The following LRP1B variants were observed in gnomAD, a reference collection of about 807,000 sequenced individuals.
The protein encoded by LRP1B is low-density lipoprotein receptor-related protein 1B.
Under a neutral mutation model 556.6 loss-of-function variants are expected in LRP1B, and 217 were observed. The observed-to-expected ratio is 0.39, with a 90% CI of 0.35 to 0.44. The LOEUF is 0.44. Ranked by LOEUF, LRP1B falls within the 20% of genes least tolerant of loss-of-function variation. The pLI is 1.00. For missense variants in LRP1B, 5,053 were observed against 5,620.8 expected (o/e 0.90, Z 3.23); for synonymous variants, 2,047 against 1,865.8 (o/e 1.10, Z -2.50).
chr2:140,384,626 G>A (rs962226215), intron 67 of LRP1B, among the ~76,000 whole-genome samples: 3 of 152,118 alleles, frequency 2.0e-5, no homozygotes, highest in East Asian at 3.9e-4. Flanking sequence ...CCAAAGACAG[G>A]TCTGATTAAG....
intron 21 of LRP1B, among the ~76,000 whole-genome samples, chr2:140,918,215 T>C (rs1694636138): frequency 6.6e-6 from 1 of 151,624 alleles, no homozygotes; most frequent in African/African-American, 2.4e-5. Flanking sequence ...TGTGTGTGTG[T>C]GTGTAGAGAA....
chr2:141,777,654 A>G (rs1178071446), intron 2 of LRP1B, among the ~76,000 whole-genome samples: 9 of 152,060 alleles, frequency 5.9e-5, no homozygotes, highest in Non-Finnish European at 4.4e-5. Flanking sequence ...ACCTCAGGTG[A>G]TCCACCCATC....
At chr2:141,982,140 T>C (rs962568426) in intron 1 of LRP1B, among the ~76,000 whole-genome samples, 1 of 152,142 alleles carries the variant, frequency 6.6e-6, no homozygotes, top group Non-Finnish European at 1.5e-5. Flanking sequence ...CCACAACCTA[T>C]GCCTGTAGTG....
chr2:140,850,460 G>A lies in LRP1B; in HGVS notation c.4712-131C>T, dbSNP rs1179792967. On this transcript the variant is annotated intron_variant, in intron 28 of 90. Coordinates refer to ENST00000389484, the MANE Select transcript of LRP1B (RefSeq NM_018557.3). ...ACAATCAATATTTGATGGAAACAAT[G>A]CAGTAACAATTTATCTATTTTAAAT... is the stretch of plus-strand genomic sequence containing the variant. 1.2e-5 allele frequency: 7 copies of A among 579,256 alleles called. No homozygotes were observed. The East Asian group carries it at 2.0e-4, about 16-fold the overall frequency. The allele number at this position is 579,256 out of a possible 1,614,324, so 35.9% of individuals were successfully genotyped here.
intron 77 of LRP1B, among the ~76,000 whole-genome samples, chr2:140,345,784 A>T (rs1429384841): frequency 7.0e-6 from 1 of 143,330 alleles, no homozygotes; most frequent in Non-Finnish European, 1.5e-5. Flanking sequence ...ATATACATAT[A>T]TATACACATA....
chr2:141,457,133 G>C (rs1212861838), intron 3 of LRP1B, among the ~76,000 whole-genome samples: 2 of 152,150 alleles, frequency 1.3e-5, no homozygotes, highest in Non-Finnish European at 2.9e-5. Context: ...GACAGAAGTA[G>C]GTGAATTCTG....
rs1559117345 is a variant in LRP1B at position 140,784,423 on chromosome 2, A to ACACAC, written c.5360-8186_5360-8185insGTGTG. ...ACACACACACACACACACACACACA[A>ACACAC]AAGGCTCAGTGCAGCTATTTTTAAA... is the stretch of plus-strand genomic sequence containing the variant. On this transcript the variant is annotated intron_variant, in intron 32 of 90. Coordinates refer to ENST00000389484, the MANE Select transcript of LRP1B (RefSeq NM_018557.3). Among the ~76,000 whole-genome samples, 5 of 76,178 alleles carry ACACAC rather than the reference A, an allele frequency of 6.6e-5. 1 individual carries two copies. The highest frequency in any genetic ancestry group is 7.6e-3 in the Middle Eastern group (1 of 132). The allele number at this position is 76,178 out of a possible 152,430, so 50.0% of individuals were successfully genotyped here.
chr2:140,326,721 TAGGGAAGAA>T (rs1415784860), intron 79 of LRP1B, among the ~76,000 whole-genome samples: 11 of 151,642 alleles, frequency 7.3e-5, no homozygotes, highest in African/African-American at 2.7e-4. Flanking sequence ...ATGTTTATGG[TAGGGAAGAA>T]TAAACAGTAA....
intron 1 of LRP1B, among the ~76,000 whole-genome samples, chr2:142,053,792 T>C (rs1248868036): frequency 6.6e-6 from 1 of 152,202 alleles, no homozygotes; most frequent in African/African-American, 2.4e-5. Flanking sequence ...CTGCTGGATA[T>C]ACTCCATCGA....
At chr2:141,816,087 G>A (rs1307296708) in intron 1 of LRP1B, among the ~76,000 whole-genome samples, 1 of 152,174 alleles carries the variant, frequency 6.6e-6, no homozygotes, top group Non-Finnish European at 1.5e-5. Flanking sequence ...TTGTTTTAAT[G>A]TCCAAATGTT....
rs183897817 is a variant in LRP1B at position 140,586,952 on chromosome 2, A to T, written c.7194+11679T>A. On this transcript the variant is annotated intron_variant, in intron 43 of 90. Coordinates refer to ENST00000389484, the MANE Select transcript of LRP1B (RefSeq NM_018557.3). ...AAGATTTAAAAGTAGCTATAATAAA[A>T]TTTTTTTAAAAATAAAGGCTTTAGG... Among the ~76,000 whole-genome samples, 755 of 152,208 alleles carry T rather than the reference A, an allele frequency of 5.0e-3. 5 individuals carry two copies. Among genetic ancestry groups the T allele is most frequent in the African/African-American group, 0.017 (686 of 41,546 alleles).
intron 59 of LRP1B, among the ~76,000 whole-genome samples, chr2:140,481,751 T>C (rs1343450295): frequency 6.6e-6 from 1 of 151,958 alleles, no homozygotes; most frequent in African/African-American, 2.4e-5. Context: ...AGCCTTGTAA[T>C]GTTTGTTATT....
At chr2:141,308,888 T>C (rs1162798399) in intron 3 of LRP1B, among the ~76,000 whole-genome samples, 1 of 152,172 alleles carries the variant, frequency 6.6e-6, no homozygotes, top group Non-Finnish European at 1.5e-5. Flanking sequence ...ATTTATTACA[T>C]AGTATTTGCA....
chr2:140,998,765 C>T (rs1949871), intron 15 of LRP1B, among the ~76,000 whole-genome samples: 96,515 of 151,898 alleles, frequency 0.64, 31,257 homozygotes, highest in Non-Finnish European at 0.7. Flanking sequence ...TGGTGTTTAG[C>T]CCAGCTTGAA....
chr2:141,245,089 T>C (rs184117719), intron 5 of LRP1B, among the ~76,000 whole-genome samples: 1 of 152,288 alleles, frequency 6.6e-6, no homozygotes, highest in East Asian at 1.9e-4. Flanking sequence ...ACTCTCTGTG[T>C]AGCACTAGTG....
intron 7 of LRP1B, among the ~76,000 whole-genome samples, chr2:141,094,029 A>G (rs1700235988): frequency 6.6e-6 from 1 of 152,108 alleles, no homozygotes; most frequent in South Asian, 2.1e-4. Flanking sequence ...TTTATTATTA[A>G]TATTTCAAAA....
chr2:140,315,293 TATTAA>T (rs1203549918), intron 82 of LRP1B, among the ~76,000 whole-genome samples, 194 bp from the exon 83 acceptor site: 2 of 152,200 alleles, frequency 1.3e-5, no homozygotes, highest in African/African-American at 4.8e-5. Flanking sequence ...TAAATATACA[TATTAA>T]ATTAATGTGT....
intron 1 of LRP1B, among the ~76,000 whole-genome samples, chr2:141,828,243 A>AT (rs1042745230): frequency 6.6e-5 from 10 of 152,196 alleles, no homozygotes; most frequent in Non-Finnish European, 1.3e-4. Context: ...TTCAATACAC[A>AT]TTTTTTTATT....
chr2:141,471,523 T>C (rs1287699222), intron 3 of LRP1B, among the ~76,000 whole-genome samples: 1 of 152,190 alleles, frequency 6.6e-6, no homozygotes, highest in Non-Finnish European at 1.5e-5. Flanking sequence ...CCTAGTTTTG[T>C]AATGTTCTTC....
Sources: gnomAD v4.1 joint callset for allele counts (sites outside exome capture counted in the v4.1 genomes callset) on GRCh38, gnomAD v4.1.1 for gene constraint, MANE v1.5 for transcripts, NCBI Gene and HGNC (gene_info 2026-07-23, HGNC 2026-07-21) for gene names.